CTNNA2: variants seen among roughly 807,000 people sequenced by gnomAD.
CTNNA2 encodes the protein catenin alpha-2.
A neutral mutation model predicts 101.0 loss-of-function variants in CTNNA2; 42 were observed. The observed-to-expected ratio is 0.42, with a 90% CI of 0.32 to 0.54. The LOEUF is 0.54. Ranked by LOEUF, CTNNA2 falls within the 20% of genes least tolerant of loss-of-function variation. The pLI, the probability that CTNNA2 is intolerant of heterozygous loss-of-function variation, is 0.14. For synonymous variants in CTNNA2, 450 were observed against 456.4 expected (o/e 0.99, Z 0.18); for missense variants, 871 against 1,223.1 (o/e 0.71, Z 4.29).
At chr2:80,312,356 G>T (rs116359296) in intron 7 of CTNNA2, among the ~76,000 whole-genome samples, 1 of 152,170 alleles carries the variant, frequency 6.6e-6, no homozygotes, top group Non-Finnish European at 1.5e-5. Flanking sequence ...GAGTAGCGGG[G>T]TGAGTAGTTG....
chr2:80,355,532 T>A (rs1027237343), intron 7 of CTNNA2, among the ~76,000 whole-genome samples: 8 of 152,174 alleles, frequency 5.3e-5, no homozygotes, highest in Admixed American at 5.2e-4. Context: ...CTTCTTGCTA[T>A]GTAAGAACAA....
chr2:79,854,121 C>T (rs986156100), intron 3 of CTNNA2, among the ~76,000 whole-genome samples: 5 of 137,042 alleles, frequency 3.6e-5, no homozygotes, highest in Non-Finnish European at 6.6e-5. Context: ...AAGCAGAGCA[C>T]CATTTTTTTT....
chr2:79,622,323 G>A (rs1005395194), intron 1 of CTNNA2, among the ~76,000 whole-genome samples: 14 of 151,856 alleles, frequency 9.2e-5, no homozygotes, highest in African/African-American at 3.1e-4. Flanking sequence ...CTTTTACATG[G>A]TGCTGAAAAT....
intron 3 of CTNNA2, among the ~76,000 whole-genome samples, chr2:79,317,977 A>C (rs1434059227): frequency 6.6e-6 from 1 of 152,110 alleles, no homozygotes; most frequent in Non-Finnish European, 1.5e-5. Context: ...TTAGAGTAAA[A>C]TATATGATTG....
intron 7 of CTNNA2, among the ~76,000 whole-genome samples, chr2:80,181,509 G>A (rs1705777870): frequency 6.6e-6 from 1 of 152,036 alleles, no homozygotes; most frequent in African/African-American, 2.4e-5. Flanking sequence ...CTTTTTTCAG[G>A]TCAGCCACTC....
intron 7 of CTNNA2, among the ~76,000 whole-genome samples, chr2:80,274,543 C>A (rs912685791): frequency 2.0e-5 from 3 of 152,108 alleles, no homozygotes; most frequent in African/African-American, 7.2e-5. Context: ...AATTCGAAGA[C>A]CCTTATAACA....
intron 3 of CTNNA2, among the ~76,000 whole-genome samples, chr2:79,788,151 G>C (rs1278106979): frequency 1.3e-5 from 2 of 152,132 alleles, no homozygotes; most frequent in African/African-American, 4.8e-5. Flanking sequence ...TTATCTGTTA[G>C]GCATTGGTGA....
chr2:79,619,628 A>C (rs1351425066), intron 1 of CTNNA2, among the ~76,000 whole-genome samples: 1 of 152,186 alleles, frequency 6.6e-6, no homozygotes, highest in African/African-American at 2.4e-5. Flanking sequence ...AATGGTTGTC[A>C]TTAAGAAAGT....
intron 9 of CTNNA2, among the ~76,000 whole-genome samples, chr2:80,468,480 G>A (rs113213559): frequency 0.06 from 9,072 of 152,192 alleles, 342 homozygotes; most frequent in Middle Eastern, 0.088. Flanking sequence ...GAGCAGTGGT[G>A]CAATCTCGGC....
intron 7 of CTNNA2, among the ~76,000 whole-genome samples, chr2:79,938,709 C>A (rs1406760807): frequency 6.6e-6 from 1 of 152,032 alleles, no homozygotes; most frequent in Admixed American, 6.6e-5. Flanking sequence ...ATGGCACTTG[C>A]CAATTTTTTT....
intron 7 of CTNNA2, among the ~76,000 whole-genome samples, chr2:80,154,298 G>A (rs905728699): frequency 1.3e-5 from 2 of 152,016 alleles, no homozygotes; most frequent in Non-Finnish European, 2.9e-5. Context: ...TCTAGCTATT[G>A]GAAAGGTGAA....
At chr2:80,530,839 A>C (rs559555320) in intron 9 of CTNNA2, among the ~76,000 whole-genome samples, 2 of 152,318 alleles carry the variant, frequency 1.3e-5, no homozygotes, top group African/African-American at 4.8e-5. Flanking sequence ...CCCAGGGGAA[A>C]AGCATGGAAA....
At chr2:79,268,821 T>C (rs1020773716) in intron 2 of CTNNA2, among the ~76,000 whole-genome samples, 2 of 152,092 alleles carry the variant, frequency 1.3e-5, no homozygotes, top group African/African-American at 2.4e-5. Flanking sequence ...GGAGAAACTG[T>C]TTTTTCTACA....
chr2:79,883,099 G>A (rs558851709), intron 6 of CTNNA2, among the ~76,000 whole-genome samples: 21 of 152,122 alleles, frequency 1.4e-4, no homozygotes, highest in Admixed American at 6.5e-4. Flanking sequence ...TTCAATGGGA[G>A]CCTCCGATCG....
intron 9 of CTNNA2, among the ~76,000 whole-genome samples, chr2:80,504,890 A>T (rs1055878232): frequency 6.6e-6 from 1 of 152,218 alleles, no homozygotes; most frequent in Non-Finnish European, 1.5e-5. Flanking sequence ...CAGTCAGGAA[A>T]GATATTTTCC....
rs554035225 is a variant in CTNNA2, at chr2:80,263,086, TG to T, written c.1057-130119del. Reference sequence around the variant, plus strand: ...TTAACTGAGTGTATGTGATGGGGCATGGGGGGTAGGGTGTGGAGTGGGGAGA... The same window carrying T: ...TTAACTGAGTGTATGTGATGGGGCATGGGGGTAGGGTGTGGAGTGGGGAGA... On this transcript the variant is annotated intron_variant, in intron 7 of 18. Coordinates refer to ENST00000402739, the MANE Select transcript of CTNNA2 (RefSeq NM_001282597.3). Among the ~76,000 whole-genome samples, 24 of 152,090 alleles carry T rather than the reference TG, an allele frequency of 1.6e-4. No individual in the cohort carries two copies. The East Asian group carries it at 3.7e-3, about 23-fold the overall frequency.
chr2:80,146,334 T>C (rs989469136), intron 7 of CTNNA2, among the ~76,000 whole-genome samples: 5 of 152,192 alleles, frequency 3.3e-5, no homozygotes, highest in Non-Finnish European at 7.3e-5. Context: ...CAGTTGTTTC[T>C]TGGATTGTTA....
At chr2:80,496,424 C>A (rs1287176722) in intron 9 of CTNNA2, among the ~76,000 whole-genome samples, 5 of 145,588 alleles carry the variant, frequency 3.4e-5, no homozygotes, top group African/African-American at 1.3e-4. Flanking sequence ...TATCTTAGAA[C>A]CTGTAAATTA....
In CTNNA2 at chr2:79,420,227, A is replaced by G. The variant is rs138792274; in HGVS notation, c.-135+46214A>G. ...ATAAAGAGCAACATCTACTATATTT[A>G]CTAATTGCCCTGCTTCTGTAGTCTC... On this transcript the variant is annotated intron_variant, in intron 4 of 21. Transcript: ENST00000466387. 7.6e-3 allele frequency among the ~76,000 whole-genome samples: 1,157 copies of G among 152,256 alleles called. 9 individuals carry two copies. Among genetic ancestry groups the G allele is most frequent in the South Asian group, 0.011 (52 of 4,824 alleles).
Sources: allele counts gnomAD v4.1 joint callset (sites outside exome capture counted in the v4.1 genomes callset), GRCh38; gene constraint gnomAD v4.1.1; transcripts MANE v1.5; gene names NCBI Gene and HGNC (gene_info 2026-07-23, HGNC 2026-07-21).